Variants in USH2A observed in about 807,000 individuals in gnomAD.
USH2A encodes the protein usherin.
Under a neutral mutation model 538.9 loss-of-function variants are expected in USH2A, and 443 were observed. The observed-to-expected ratio is 0.82, with a 90% confidence interval of 0.76 to 0.89. The LOEUF (loss-of-function observed/expected upper bound fraction) is 0.89, where lower values mean the gene tolerates loss of function less well. Ranked by LOEUF, USH2A falls within the 40% of genes least tolerant of loss-of-function variation. The pLI is 0.00. For synonymous variants in USH2A, 2,413 were observed against 2,273.5 expected, an observed-to-expected ratio of 1.06 and a Z score of -1.75; for missense variants, 6,633 against 6,324.8, an observed-to-expected ratio of 1.05 and a Z score of -1.65.
At chr1:215,943,221 T>TA (rs1222910318) in intron 37 of USH2A, among the ~76,000 whole-genome samples, 2 of 151,930 alleles carry the variant, frequency 1.3e-5, no homozygotes, top group Non-Finnish European at 2.9e-5. Flanking sequence ...GATTGTAACA[T>TA]AAAAAGACAA....
At chr1:216,391,196 C>T (rs1276061301) in intron 3 of USH2A, among the ~76,000 whole-genome samples, 1 of 152,180 alleles carries the variant, frequency 6.6e-6, no homozygotes, top group Non-Finnish European at 1.5e-5. Flanking sequence ...TTGCTTTGGT[C>T]TTATTGACAT....
At chr1:216,275,840 A>G (rs952180549) in intron 11 of USH2A, among the ~76,000 whole-genome samples, 2 of 152,136 alleles carry the variant, frequency 1.3e-5, no homozygotes, top group South Asian at 4.1e-4. Context: ...TAGGAATTTT[A>G]TTTAATATTT....
At chr1:215,692,920 T>C (rs1473626465) in intron 61 of USH2A, among the ~76,000 whole-genome samples, 1 of 151,850 alleles carries the variant, frequency 6.6e-6, no homozygotes, top group East Asian at 1.9e-4. Flanking sequence ...TAATTTTTTT[T>C]TGAGACAGAG....
At chr1:216,336,258 C>T (rs1019581587) in intron 4 of USH2A, among the ~76,000 whole-genome samples, 8 of 151,338 alleles carry the variant, frequency 5.3e-5, no homozygotes, top group African/African-American at 1.9e-4. Context: ...ACAACTTCCT[C>T]ATCTAATAAA....
At chr1:216,016,660 G>T (rs1173190500) in intron 32 of USH2A, among the ~76,000 whole-genome samples, 1 of 152,104 alleles carries the variant, frequency 6.6e-6, no homozygotes, top group East Asian at 1.9e-4. Flanking sequence ...TGTTATAAGC[G>T]CTTTGAGAAC....
intron 30 of USH2A, among the ~76,000 whole-genome samples, chr1:216,053,134 A>G (rs1384067906): frequency 6.6e-6 from 1 of 152,264 alleles, no homozygotes; most frequent in Non-Finnish European, 1.5e-5. Context: ...ATTGATACAT[A>G]AAGAAGAATG....
At chr1:216,145,728 A>T (rs1338349295) in intron 21 of USH2A, among the ~76,000 whole-genome samples, 1 of 152,164 alleles carries the variant, frequency 6.6e-6, no homozygotes, top group Non-Finnish European at 1.5e-5. Context: ...TTAACTGATG[A>T]CATTCCACCA....
At chr1:215,856,471 G>A (rs377098485) in intron 44 of USH2A, among the ~76,000 whole-genome samples, 1 of 152,032 alleles carries the variant, frequency 6.6e-6, no homozygotes, top group East Asian at 1.9e-4. Flanking sequence ...TAATGATCAG[G>A]GAAATGCAAA....
chr1:216,247,424 C>A (rs934227983), intron 12 of USH2A, among the ~76,000 whole-genome samples, 198 bp from the exon 13 acceptor site: 3 of 152,080 alleles, frequency 2.0e-5, no homozygotes, highest in African/African-American at 7.2e-5. Flanking sequence ...CAACTGTTTG[C>A]GATGAACTTC....
intron 15 of USH2A, among the ~76,000 whole-genome samples, chr1:216,216,582 G>A (rs1471655974): frequency 6.6e-6 from 1 of 151,960 alleles, no homozygotes; most frequent in Non-Finnish European, 1.5e-5. Flanking sequence ...TGTTGTAGAG[G>A]GCTCCTACCA....
intron 49 of USH2A, among the ~76,000 whole-genome samples, chr1:215,805,984 C>CAAAAAAAAAAAAA (rs57712355): frequency 4.3e-5 from 4 of 93,492 alleles, no homozygotes; most frequent in African/African-American, 6.7e-5. Context: ...AAGACACAAT[C>CAAAAAAAAAAAAA]AAAAAAAAAA....
chr1:215,994,176 T>C (rs1176392828), intron 34 of USH2A, among the ~76,000 whole-genome samples: 1 of 151,908 alleles, frequency 6.6e-6, no homozygotes, highest in Admixed American at 6.6e-5. Flanking sequence ...AAAAAGAAAA[T>C]AAAGCAAAAT....
intron 61 of USH2A, among the ~76,000 whole-genome samples, chr1:215,704,896 A>T (rs1298046185): frequency 1.3e-5 from 2 of 152,082 alleles, no homozygotes; most frequent in Non-Finnish European, 2.9e-5. Context: ...TGATCTATTT[A>T]CCTGCCTTTT....
At chr1:216,104,401 A>G (rs2032679432) in intron 21 of USH2A, among the ~76,000 whole-genome samples, 1 of 152,104 alleles carries the variant, frequency 6.6e-6, no homozygotes, top group Non-Finnish European at 1.5e-5. Context: ...TGAACTCATC[A>G]TTTTTTATGG....
At chr1:216,415,956 G>C (rs1365821784) in intron 3 of USH2A, among the ~76,000 whole-genome samples, 1 of 152,046 alleles carries the variant, frequency 6.6e-6, no homozygotes, top group Admixed American at 6.6e-5. Flanking sequence ...CCTGAGGTCA[G>C]GAATTCGAGA....
rs769191074 is a variant in USH2A at position 216,078,183 on chromosome 1, G to A, written c.5478C>T (p.Ser1826=). The change falls in exon 27 of 72, where the codon TCC becomes TCT. Residue 1826 remains serine, a synonymous_variant. Transcript: ENST00000307340. ...AATTCACCACCAGTGGCTGGTCTCCGGACTCCGATGCATGCTTCATCAGTC... is the reference window on the plus strand; with the variant it reads ...AATTCACCACCAGTGGCTGGTCTCCAGACTCCGATGCATGCTTCATCAGTC... The part of the protein sequence containing the change: ...VNGLMKHASE[S]GDQPLVVNSP... 30 of 1,613,546 alleles carry A rather than the reference G, an allele frequency of 1.9e-5. No homozygotes were observed. Among genetic ancestry groups the A allele is most frequent in the East Asian group, 4.5e-5 (2 of 44,866 alleles).
At chr1:216,217,658 G>T in intron 14 of USH2A, 108 bp from the exon 15 acceptor site, 1 of 1,310,848 alleles carries the variant, frequency 7.6e-7, no homozygotes, top group Non-Finnish European at 1.1e-6. Flanking sequence ...GCTTGTTTTA[G>T]CCAATATATT....
At chr1:216,263,689 T>G (rs2036418360) in intron 11 of USH2A, among the ~76,000 whole-genome samples, 1 of 152,110 alleles carries the variant, frequency 6.6e-6, no homozygotes, top group South Asian at 2.1e-4. Flanking sequence ...GTGAAAACTT[T>G]TCTTCTAGGA....
chr1:215,910,719 A>C (rs1277340546), intron 38 of USH2A, among the ~76,000 whole-genome samples: 1 of 151,566 alleles, frequency 6.6e-6, no homozygotes, highest in Admixed American at 6.6e-5. Flanking sequence ...TATCTTCTTA[A>C]GTATCACTAA....
Sources: allele counts gnomAD v4.1 joint callset (sites outside exome capture counted in the v4.1 genomes callset), GRCh38; gene constraint gnomAD v4.1.1; transcripts MANE v1.5; gene names NCBI Gene and HGNC (gene_info 2026-07-23, HGNC 2026-07-21).